Variants in COPS3 observed in about 807,000 individuals in gnomAD.
The protein encoded by COPS3 is COP9 signalosome subunit 3, also known as COP9 signalosome complex subunit 3.
COPS3 carries 10 observed loss-of-function variants against 58.2 expected under a neutral mutation model. The observed-to-expected ratio is 0.17, with a 90% CI of 0.11 to 0.29. The LOEUF (loss-of-function observed/expected upper bound fraction) is 0.29. Among genes scored for constraint, COPS3 ranks in the 10% least tolerant of loss-of-function variants. The probability of loss-of-function intolerance (pLI) is 1.00; values close to 1 mark genes in which losing one functional copy is unlikely to be tolerated. For missense variants in COPS3, 333 were observed against 510.1 expected (o/e 0.65, Z 3.34); for synonymous variants, 187 against 181.7 (o/e 1.03, Z -0.24).
At chr17:17,275,856 G>A (rs1294404647) in intron 2 of COPS3, among the ~76,000 whole-genome samples, 179 bp downstream of exon 2, 1 of 152,102 alleles carries the variant, frequency 6.6e-6, no homozygotes, top group Non-Finnish European at 1.5e-5. Flanking sequence ...GCAAGAGAAT[G>A]GAGTGAACCC....
intron 8 of COPS3, among the ~76,000 whole-genome samples, chr17:17,257,009 CAAAG>C: frequency 6.6e-6 from 1 of 152,226 alleles, no homozygotes; most frequent in South Asian, 2.1e-4. Flanking sequence ...TTAACACAAA[CAAAG>C]ACTCAAAAGT....
chr17:17,279,713 A>G (rs1035195233), intron 1 of COPS3, among the ~76,000 whole-genome samples: 3 of 152,166 alleles, frequency 2.0e-5, no homozygotes, highest in Non-Finnish European at 2.9e-5. Flanking sequence ...ATTTGCAGCT[A>G]TATTTATTGC....
intron 1 of COPS3, chr17:17,280,884 G>T (rs1172368403): frequency 2.0e-6 from 2 of 994,026 alleles, no homozygotes; most frequent in Non-Finnish European, 2.8e-6. Context: ...GGCCCAGGCC[G>T]GGGGGAGGGG....
At chr17:17,247,204 C>T in intron 11 of COPS3, 53 bp from the exon 12 acceptor site, 1 of 1,551,222 alleles carries the variant, frequency 6.4e-7, no homozygotes, top group Non-Finnish European at 8.9e-7. Flanking sequence ...TCAAGGGTTC[C>T]CCGGCAGCCC....
At position 17,268,676 on chromosome 17, in the gene COPS3, G is replaced by A. The variant is rs1304060733; in HGVS notation, c.349-699C>T. Among the ~76,000 whole-genome samples the A allele has an allele frequency of 3.3e-5, 5 of 151,948 alleles. No individual in the cohort carries two copies. In the East Asian group the frequency reaches 5.8e-4, roughly 18 times the overall value. ...TCTACTAAAAATACAAAAATTAGCC[G>A]GGCATGGTGGGATGTGCCTGTGGTC... On this transcript the variant is annotated intron_variant, in intron 4 of 11. Coordinates refer to ENST00000268717, the MANE Select transcript of COPS3 (RefSeq NM_003653.4).
chr17:17,262,269 G>A (rs764609462), intron 6 of COPS3, among the ~76,000 whole-genome samples, 163 bp from the exon 7 acceptor site: 9 of 151,982 alleles, frequency 5.9e-5, no homozygotes, highest in Non-Finnish European at 1.3e-4. Flanking sequence ...TTTTATTTAT[G>A]CATTTTTTAG....
At chr17:17,277,042 C>T (rs1222180851) in intron 1 of COPS3, among the ~76,000 whole-genome samples, 1 of 152,182 alleles carries the variant, frequency 6.6e-6, no homozygotes, top group Non-Finnish European at 1.5e-5. Flanking sequence ...CCTCACACAC[C>T]TACTCTTCGA....
At chr17:17,254,469 C>T (rs1157496850) in intron 9 of COPS3, among the ~76,000 whole-genome samples, 2 of 152,140 alleles carry the variant, frequency 1.3e-5, no homozygotes, top group Non-Finnish European at 2.9e-5. Context: ...CCACAATGAA[C>T]ATCTGTTACT....
intron 9 of COPS3, among the ~76,000 whole-genome samples, chr17:17,253,532 T>C (rs1007180087): frequency 6.6e-6 from 1 of 152,162 alleles, no homozygotes; most frequent in East Asian, 1.9e-4. Flanking sequence ...TGCTATTTCA[T>C]TTCCTAAGCT....
chr17:17,277,866 G>GCT (rs1567864866), intron 1 of COPS3, among the ~76,000 whole-genome samples: 1 of 152,194 alleles, frequency 6.6e-6, no homozygotes, highest in African/African-American at 2.4e-5. Flanking sequence ...GACCAGGCTG[G>GCT]CTCACACCTG....
rs906559290 is a variant in COPS3, at chr17:17,252,068, CA to C, written c.1023+2790del. 3.2e-3 allele frequency among the ~76,000 whole-genome samples: 444 copies of C among 137,068 alleles called. 2 individuals are homozygous for C. The highest frequency in any genetic ancestry group is 4.5e-3 in the Non-Finnish European group (286 of 62,906). The allele number at this position is 137,068 out of a possible 152,430, so 89.9% of individuals were successfully genotyped here. A position where few individuals can be genotyped will look rare whatever the true frequency, so the allele number is the denominator to read the frequency against. On this transcript the variant is annotated intron_variant, in intron 9 of 11. Transcript: ENST00000268717. ...TGGGTGACAGAGCAAGACTCCGTCT[CA>C]AAAAAAAAAAGTCAGGATGGGAACA...
Position 17,254,354 on chromosome 17 carries a change from T to G in COPS3, c.1023+505A>C, listed in dbSNP as rs962862071. Among the ~76,000 whole-genome samples, 4 of 149,790 alleles carry G rather than the reference T, an allele frequency of 2.7e-5. No individual in the cohort carries two copies. The South Asian group carries it at 8.5e-4, about 32-fold the overall frequency. On this transcript the variant is annotated intron_variant, in intron 9 of 11. Coordinates refer to ENST00000268717, the MANE Select transcript of COPS3 (RefSeq NM_003653.4). ...AAATAGGACGCAAGCCTGATGTGTATATCATATGAGCACACTAAAACTAGA... is the reference window on the plus strand; with the variant it reads ...AAATAGGACGCAAGCCTGATGTGTAGATCATATGAGCACACTAAAACTAGA...
At chr17:17,264,447 C>T (rs2048177423) in intron 6 of COPS3, among the ~76,000 whole-genome samples, 1 of 152,110 alleles carries the variant, frequency 6.6e-6, no homozygotes. Context: ...TAACAAAATA[C>T]CACACATGGT....
At chr17:17,260,589 G>C in intron 7 of COPS3, 115 bp from the exon 8 acceptor site, 1 of 908,216 alleles carries the variant, frequency 1.1e-6, no homozygotes, top group Non-Finnish European at 1.7e-6. Flanking sequence ...AAATCACCTG[G>C]GGTCAGGGGT....
intron 1 of COPS3, chr17:17,280,749 A>G (rs1489687804): frequency 1.7e-5 from 21 of 1,243,448 alleles, no homozygotes; most frequent in Non-Finnish European, 2.1e-5. Flanking sequence ...GATCGGCGGC[A>G]AAGATGACAT....
At chr17:17,247,437 T>C (rs376739945) in intron 11 of COPS3, 43 bp downstream of exon 11, 1 of 1,574,942 alleles carries the variant, frequency 6.3e-7, no homozygotes, top group African/African-American at 1.3e-5. Flanking sequence ...CACCCCTCCT[T>C]CTCCACCCAG....
intron 8 of COPS3, 43 bp from the exon 9 acceptor site, chr17:17,254,988 A>G (rs570330992): frequency 1.3e-5 from 18 of 1,378,096 alleles, no homozygotes; most frequent in Admixed American, 1.0e-4. Flanking sequence ...GGAACAACGA[A>G]GGAAGGACAT....
At chr17:17,274,716 T>C (rs1304968662) in intron 2 of COPS3, among the ~76,000 whole-genome samples, 3 of 151,942 alleles carry the variant, frequency 2.0e-5, no homozygotes, top group Non-Finnish European at 4.4e-5. Flanking sequence ...AGCCACTGTG[T>C]CTGGCCTAAT....
At chr17:17,260,802 CAAA>C (rs374998521) in intron 7 of COPS3, 6 of 89,836 alleles carry the variant, frequency 6.7e-5, no homozygotes, top group South Asian at 2.8e-4. Context: ...AACTCCGTCT[CAAA>C]AAAAAAAAAA....
Sources: gnomAD v4.1 joint callset for allele counts (sites outside exome capture counted in the v4.1 genomes callset) on GRCh38, gnomAD v4.1.1 for gene constraint, MANE v1.5 for transcripts, NCBI Gene and HGNC (gene_info 2026-07-23, HGNC 2026-07-21) for gene names.